Variants in PPP6R1 observed in about 807,000 individuals in gnomAD.
PPP6R1 encodes serine/threonine-protein phosphatase 6 regulatory subunit 1.
PPP6R1 carries 39 observed loss-of-function variants against 104.6 expected under a neutral mutation model. That is an observed-to-expected ratio of 0.37 (90% CI 0.29 to 0.49). The LOEUF is 0.49. Ranked by LOEUF, PPP6R1 falls within the 20% of genes least tolerant of loss-of-function variation. The pLI, the probability that PPP6R1 is intolerant of heterozygous loss-of-function variation, is 0.98. For missense variants in PPP6R1, 1,181 were observed against 1,155.8 expected (o/e 1.02, Z -0.32); for synonymous variants, 549 against 479.0 (o/e 1.15, Z -1.91).
chr19:55,236,031 T>C (rs1327794770), intron 17 of PPP6R1, among the ~76,000 whole-genome samples: 2 of 151,908 alleles, frequency 1.3e-5, no homozygotes, highest in Non-Finnish European at 2.9e-5. Context: ...GGTTTCGCTA[T>C]GTTGCCCAGG....
chr19:55,233,250 T>C (rs1012336679), intron 17 of PPP6R1: 1 of 152,190 alleles, frequency 6.6e-6, no homozygotes, highest in African/African-American at 2.4e-5. Flanking sequence ...TATCTGTATA[T>C]AGTTAAAAGT....
rs576098575 is a variant in PPP6R1, at chr19:55,248,269, T to A, written c.-6-1160A>T. Among the ~76,000 whole-genome samples the A allele has an allele frequency of 2.0e-5, 3 of 151,908 alleles. No individual in the cohort carries two copies. The South Asian group carries it at 6.3e-4, about 32-fold the overall frequency. On this transcript the variant is annotated intron_variant, in intron 1 of 23. Transcript: ENST00000412770. Reference sequence around the variant, plus strand: ...GCTCACCAGCAGCCCCCAAGAAAGCTGTCATCACTCCGCCACACAGGACAA... The same window carrying A: ...GCTCACCAGCAGCCCCCAAGAAAGCAGTCATCACTCCGCCACACAGGACAA...
In PPP6R1 at chr19:55,245,453, CCTCAA is replaced by C. The variant is rs746519126; in HGVS notation, c.414+34_414+38del. The C allele has an allele frequency of 1.7e-5, 28 of 1,611,328 alleles. No individual in the cohort carries two copies. The South Asian group carries it at 3.0e-4, about 17-fold the overall frequency. ...CACAGGGCCTGGCCCAGCCACCACC[CCTCAA>C]CCCACGGTGGCGCCAGGGTGGGGGC... On this transcript the variant is annotated intron_variant, in intron 3 of 23. Transcript: ENST00000412770. This position sits in a 1 kb window ranked among gnomAD's most constrained non-coding sequence, Gnocchi z 6.4.
At position 55,231,595 on chromosome 19, in the gene PPP6R1, C is replaced by T. The variant is rs1568942501; in HGVS notation, c.2377+3G>A. On this transcript the variant is annotated splice_donor_region_variant and intron_variant, in intron 20 of 23. Coordinates refer to ENST00000412770, the MANE Select transcript of PPP6R1 (RefSeq NM_014931.4). ...CGGGTGGGCAGGGCAAAGCGGGGCT[C>T]ACCTGAGGGCTCCGTGACTTTGCTG... 1.2e-6 allele frequency: 2 copies of T among 1,610,048 alleles called. No homozygotes were observed. Among genetic ancestry groups the T allele is most frequent in the Admixed American group, 1.7e-5 (1 of 59,466 alleles).
chr19:55,230,809 C>G lies in PPP6R1; in HGVS notation c.2535G>C (p.Lys845Asn). Residue 845 changes from lysine (K) to asparagine (N), a missense_variant, in exon 22 of 24, where the codon AAG (lysine) becomes AAC (asparagine). Lys to Asn is a moderately conservative substitution (Grantham distance 94). Coordinates refer to ENST00000412770, the MANE Select transcript of PPP6R1 (RefSeq NM_014931.4). ...GGGGAAGCCCCAAGGGCTCTGGGCT[C>G]TTCTCCCCTTCTGTGGTCTGGGGGG... is the stretch of plus-strand genomic sequence containing the variant. ...HQPPQTTEGEKSPEPLGLPQS... is the reference protein window; with the variant it reads ...HQPPQTTEGENSPEPLGLPQS... 6.4e-7 allele frequency: 1 copy of G among 1,552,336 alleles called. No individual in the cohort carries two copies. The highest frequency in any genetic ancestry group is 8.7e-7 in the Non-Finnish European group (1 of 1,148,646).
At chr19:55,246,177 G>A (rs867109715) in intron 2 of PPP6R1, among the ~76,000 whole-genome samples, 3 of 152,310 alleles carry the variant, frequency 2.0e-5, no homozygotes, top group Middle Eastern at 3.4e-3. Context: ...GGACTGTGGG[G>A]AGGTACCCCT....
Position 55,231,991 on chromosome 19 carries a change from G to C in PPP6R1, c.2126-9C>G. The C allele has an allele frequency of 1.2e-6, 2 of 1,604,490 alleles. No individual in the cohort carries two copies. Among genetic ancestry groups the C allele is most frequent in the Non-Finnish European group, 1.7e-6 (2 of 1,173,716 alleles). On this transcript the variant is annotated splice_polypyrimidine_tract_variant and intron_variant, in intron 18 of 23. Transcript: ENST00000412770. The stretch of plus-strand genomic sequence containing the variant: ...GGCTGTCCAGCTGGGGCCTGGGATA[G>C]AGGTGGGGGAGCGGGATGGAGGGTG...
chr19:55,245,741 G>T lies in PPP6R1; in HGVS notation c.228-63C>A. ...GAGGCCGGGGGCAGGGGGCGGCAAG[G>T]CTCCACCCTCTTCTCTGCACCGGGC... On this transcript the variant is annotated intron_variant, in intron 2 of 23. Coordinates refer to ENST00000412770, the MANE Select transcript of PPP6R1 (RefSeq NM_014931.4). This position sits in a 1 kb window ranked among gnomAD's most constrained non-coding sequence, Gnocchi z 6.4. 3 of 1,345,450 alleles carry T rather than the reference G, an allele frequency of 2.2e-6. No homozygotes were observed. The highest frequency in any genetic ancestry group is 3.1e-6 in the Non-Finnish European group (3 of 974,528). 83.3% of individuals were successfully genotyped at this position (1,345,450 alleles called of 1,614,324 possible).
intron 15 of PPP6R1, among the ~76,000 whole-genome samples, chr19:55,238,330 G>T (rs539392626): frequency 2.0e-5 from 3 of 152,206 alleles, no homozygotes; most frequent in Non-Finnish European, 4.4e-5. Context: ...CATCTGAGAG[G>T]ACCTCTGTCC....
At chr19:55,228,537 G>A, downstream of PPP6R1, 1 of 1,546,540 alleles carries the variant, frequency 6.5e-7, no homozygotes, top group Non-Finnish European at 8.7e-7. Flanking sequence ...TGGGACCCCA[G>A]CTGTACAGGC....
chr19:55,242,311 G>A (rs371125887), intron 6 of PPP6R1, 32 bp from the exon 7 acceptor site: 9 of 1,613,226 alleles, frequency 5.6e-6, no homozygotes, highest in South Asian at 2.2e-5. Flanking sequence ...TCAGGGTGAG[G>A]GGCCAGGGGC....
Position 55,230,811 on chromosome 19 carries a change from T to C in PPP6R1, c.2533A>G (p.Lys845Glu), listed in dbSNP as rs927301454. Residue 845 changes from lysine to glutamate, a missense_variant, in exon 22 of 24, where the codon AAG becomes GAG. This residue lies in a region of PPP6R1 where 1,042 missense variants were observed against 955.6 expected (regional missense o/e 1.09). Coordinates refer to ENST00000412770, the MANE Select transcript of PPP6R1 (RefSeq NM_014931.4). ...GGAAGCCCCAAGGGCTCTGGGCTCT[T>C]CTCCCCTTCTGTGGTCTGGGGGGGC... ...HQPPQTTEGE[K>E]SPEPLGLPQS... is the part of the protein sequence containing the mutation. The C allele has an allele frequency of 9.4e-6, 15 of 1,591,484 alleles. No homozygotes were observed. Among genetic ancestry groups the C allele is most frequent in the Non-Finnish European group, 1.3e-5 (15 of 1,172,870 alleles).
At chr19:55,235,446 A>G (rs965150038) in intron 17 of PPP6R1, among the ~76,000 whole-genome samples, 2 of 152,080 alleles carry the variant, frequency 1.3e-5, no homozygotes, top group Non-Finnish European at 2.9e-5. Context: ...GCCATACCTC[A>G]GGACCTGCCT....
intron 21 of PPP6R1, 77 bp downstream of exon 21, chr19:55,231,333 G>T: frequency 6.8e-7 from 1 of 1,466,762 alleles, no homozygotes; most frequent in Non-Finnish European, 9.3e-7. Flanking sequence ...TCAGGGACAA[G>T]ATGAACCCAG....
chr19:55,243,678 C>T (rs760707792), intron 5 of PPP6R1, among the ~76,000 whole-genome samples: 4 of 147,884 alleles, frequency 2.7e-5, no homozygotes, highest in African/African-American at 7.9e-5. Context: ...AAAAAAGACA[C>T]GGCCTCTACA....
chr19:55,240,555 ACATG>A (rs1555885266), intron 10 of PPP6R1, among the ~76,000 whole-genome samples: 11 of 147,536 alleles, frequency 7.5e-5, no homozygotes, highest in Non-Finnish European at 1.3e-4. Flanking sequence ...ACACACACAC[ACATG>A]CATGCACTAA....
At chr19:55,232,884 A>G (rs1166909911) in intron 17 of PPP6R1, 1 of 152,380 alleles carries the variant, frequency 6.6e-6, no homozygotes, top group African/African-American at 2.4e-5. Flanking sequence ...AAACGCCATC[A>G]TTAGGCGATT....
At chr19:55,228,383 A>G, downstream of PPP6R1, 1 of 1,613,886 alleles carries the variant, frequency 6.2e-7, no homozygotes, top group Non-Finnish European at 8.5e-7. Context: ...CAGAGGCAGA[A>G]GTACACGCAG....
At chr19:55,228,750 G>A (rs1201907548), downstream of PPP6R1, 5 of 1,612,940 alleles carry the variant, frequency 3.1e-6, no homozygotes, top group Non-Finnish European at 4.2e-6. Context: ...ATGCTGGCCT[G>A]ATAGCCCCAG....
Sources: gnomAD v4.1 joint callset for allele counts (sites outside exome capture counted in the v4.1 genomes callset) on GRCh38, gnomAD v4.1.1 for gene constraint, gnomAD v4.1.1 regional missense constraint, Gnocchi (gnomAD v3.1) non-coding constraint, MANE v1.5 for transcripts, NCBI Gene and HGNC (gene_info 2026-07-23, HGNC 2026-07-21) for gene names.